Variants in RIPOR3 observed in about 807,000 individuals in gnomAD.
RIPOR3 encodes the protein family with sequence similarity 65 member C.
Under a neutral mutation model 114.3 loss-of-function variants are expected in RIPOR3, and 95 were observed. That is an observed-to-expected ratio of 0.83 (90% CI 0.70 to 0.99). RIPOR3 has a LOEUF of 0.99. RIPOR3 is among the 50% of genes least tolerant of loss of function. The pLI is 0.00. For missense variants in RIPOR3, 1,252 were observed against 1,266.9 expected (o/e 0.99, Z 0.18); for synonymous variants, 575 against 543.8 (o/e 1.06, Z -0.80).
chr20:50,635,814 C>A (rs1200700780), intron 1 of RIPOR3, among the ~76,000 whole-genome samples: 1 of 152,238 alleles, frequency 6.6e-6, no homozygotes, highest in African/African-American at 2.4e-5. Flanking sequence ...AGCCTGGCTT[C>A]GGGACTCCGC....
chr20:50,599,903 CTT>C (rs10639593), intron 13 of RIPOR3, among the ~76,000 whole-genome samples: 4 of 151,452 alleles, frequency 2.6e-5, no homozygotes, highest in African/African-American at 9.7e-5. Context: ...CACACACACA[CTT>C]TTTTTTCTTT....
At chr20:50,635,564 G>C (rs1025311246) in intron 1 of RIPOR3, among the ~76,000 whole-genome samples, 15 of 152,058 alleles carry the variant, frequency 9.9e-5, no homozygotes, top group African/African-American at 3.1e-4. Flanking sequence ...TGAGGTGGGA[G>C]GATCATTAGA....
chr20:50,635,678 GAAAGGAA>G (rs2084959765), intron 1 of RIPOR3, among the ~76,000 whole-genome samples: 1 of 151,836 alleles, frequency 6.6e-6, no homozygotes, highest in Non-Finnish European at 1.5e-5. Context: ...AGGAAAGAAG[GAAAGGAA>G]AAAGGAAAGG....
chr20:50,644,046 G>A lies in RIPOR3; in HGVS notation c.4-13190C>T, dbSNP rs569118639. On this transcript the variant is annotated intron_variant, in intron 1 of 21. Coordinates refer to ENST00000327979, the MANE Select transcript of RIPOR3 (RefSeq NM_001290268.2). The stretch of plus-strand genomic sequence containing the variant: ...AAGGCAGGAGGATTTCTTGAGCCCA[G>A]GAGTTCAAGGCTGCAGTGAGCCAGG... Among the ~76,000 whole-genome samples the A allele has an allele frequency of 5.3e-5, 8 of 151,990 alleles. No homozygotes were observed. The South Asian group carries it at 1.7e-3, about 32-fold the overall frequency.
chr20:50,676,203 C>T (rs547595142), intron 1 of RIPOR3, among the ~76,000 whole-genome samples: 65 of 152,328 alleles, frequency 4.3e-4, no homozygotes, highest in South Asian at 3.3e-3. Flanking sequence ...CTCACCCCGA[C>T]GGGCTGCTTC....
At chr20:50,587,956 T>G in intron 20 of RIPOR3, 64 bp from the exon 21 acceptor site, 2 of 1,502,096 alleles carry the variant, frequency 1.3e-6, no homozygotes, top group Non-Finnish European at 1.8e-6. Flanking sequence ...TAGAGTCCAC[T>G]TAGTGGCCCT....
intron 17 of RIPOR3, among the ~76,000 whole-genome samples, chr20:50,593,614 C>T (rs1020997526): frequency 1.3e-5 from 2 of 152,100 alleles, no homozygotes; most frequent in African/African-American, 4.8e-5. Context: ...GCAGGTGTCC[C>T]TCACTGCATT....
At chr20:50,610,231 T>G (rs1026097756) in intron 6 of RIPOR3, among the ~76,000 whole-genome samples, 2 of 151,474 alleles carry the variant, frequency 1.3e-5, no homozygotes, top group Non-Finnish European at 3.0e-5. Context: ...CTGCCTCTCC[T>G]GCCTCTCCTG....
At chr20:50,679,216 A>AT (rs1568964940) in intron 1 of RIPOR3, among the ~76,000 whole-genome samples, 1 of 145,600 alleles carries the variant, frequency 6.9e-6, no homozygotes, top group African/African-American at 2.5e-5. Flanking sequence ...TACCTCAAAA[A>AT]ATATATATAT....
intron 20 of RIPOR3, 33 bp from the exon 21 acceptor site, chr20:50,587,925 G>A: frequency 6.2e-7 from 1 of 1,607,822 alleles, no homozygotes. Context: ...GAACCCTTTA[G>A]GGGGCCTTCT....
intron 1 of RIPOR3, among the ~76,000 whole-genome samples, chr20:50,639,418 G>A (rs1338512667): frequency 6.6e-6 from 1 of 152,042 alleles, no homozygotes; most frequent in African/African-American, 2.4e-5. Flanking sequence ...TCTAAACCCC[G>A]GACACTGGGC....
chr20:50,670,209 C>T (rs1302295674), intron 1 of RIPOR3, among the ~76,000 whole-genome samples: 2 of 151,432 alleles, frequency 1.3e-5, no homozygotes, highest in African/African-American at 4.9e-5. Flanking sequence ...CAAGGTAGAG[C>T]CAAGTCAACC....
intron 11 of RIPOR3, among the ~76,000 whole-genome samples, 173 bp from the exon 12 acceptor site, chr20:50,604,947 G>A (rs961912850): frequency 6.6e-6 from 1 of 152,164 alleles, no homozygotes; most frequent in African/African-American, 2.4e-5. Flanking sequence ...TTTTGAGACA[G>A]GGTCTTGCTG....
intron 4 of RIPOR3, among the ~76,000 whole-genome samples, chr20:50,611,678 T>C (rs1481138105): frequency 6.6e-6 from 1 of 152,172 alleles, no homozygotes; most frequent in Admixed American, 6.5e-5. Context: ...AATGGTGAAT[T>C]CCTAAGTCTA....
At chr20:50,666,538 C>A (rs180891697) in intron 1 of RIPOR3, among the ~76,000 whole-genome samples, 1 of 150,464 alleles carries the variant, frequency 6.6e-6, no homozygotes, top group Non-Finnish European at 1.5e-5. Context: ...ACACCCATTT[C>A]TTTGTTTGTT....
In RIPOR3 at chr20:50,609,337, C is replaced by T. The variant is rs765725702; in HGVS notation, c.596G>A (p.Gly199Glu). Reference sequence around the variant, plus strand: ...CTCGCCCAGGTGAACCTCCAGGGCCCCCTCGATGAGCCACATGTCCTGCAA... The same window carrying T: ...CTCGCCCAGGTGAACCTCCAGGGCCTCCTCGATGAGCCACATGTCCTGCAA... ...ECAEDMWLIEGALEVHLGEFH... is the reference protein window; with the variant it reads ...ECAEDMWLIEEALEVHLGEFH... The change falls in exon 8 of 22, where the codon GGG becomes GAG. Residue 199 changes from glycine (G) to glutamate (E), a missense_variant. By Grantham distance (98) the Gly-to-Glu change is moderately conservative. Coordinates refer to ENST00000327979, the MANE Select transcript of RIPOR3 (RefSeq NM_001290268.2). 1 of 1,613,892 alleles carries T rather than the reference C, an allele frequency of 6.2e-7. No individual in the cohort carries two copies. Among genetic ancestry groups the T allele is most frequent in the Admixed American group, 1.7e-5 (1 of 60,006 alleles).
chr20:50,680,605 C>T (rs2086826722), intron 1 of RIPOR3, among the ~76,000 whole-genome samples: 1 of 152,252 alleles, frequency 6.6e-6, no homozygotes, highest in African/African-American at 2.4e-5. Flanking sequence ...GGCTGGTAAT[C>T]TCACGCCGAC....
In RIPOR3 at chr20:50,620,145, T is replaced by C. The variant is rs2084344609; in HGVS notation, c.123-13A>G. On this transcript the variant is annotated splice_polypyrimidine_tract_variant and intron_variant, in intron 2 of 21. Transcript: ENST00000327979. ...GTTGATGGACTTTCTGTGAGAAGGG[T>C]TGGAGGGCAAGAGAAGTCAGAGAAG... The C allele has an allele frequency of 1.9e-6, 3 of 1,612,312 alleles. No individual in the cohort carries two copies. The highest frequency in any genetic ancestry group is 1.3e-5 in the African/African-American group (1 of 74,876).
At chr20:50,615,115 G>GTGTGTGTGTGTGTGTGTGTT (rs2084118626) in intron 4 of RIPOR3, among the ~76,000 whole-genome samples, 1 of 134,952 alleles carries the variant, frequency 7.4e-6, no homozygotes. Flanking sequence ...GTGAGTGTGT[G>GTGTGTGTGTGTGTGTGTGTT]TGTGTGTGTG....
Sources: allele counts gnomAD v4.1 joint callset (sites outside exome capture counted in the v4.1 genomes callset), GRCh38; gene constraint gnomAD v4.1.1; transcripts MANE v1.5; gene names NCBI Gene and HGNC (gene_info 2026-07-23, HGNC 2026-07-21).